UBE2E1: variants seen among roughly 807,000 people sequenced by gnomAD.
The protein encoded by UBE2E1 is ubiquitin conjugating enzyme E2 E1, also known as ubiquitin-conjugating enzyme E2 E1.
UBE2E1 carries 6 observed loss-of-function variants against 21.4 expected under a neutral mutation model. That is an observed-to-expected ratio of 0.28 (90% confidence interval 0.15 to 0.55). The LOEUF is 0.55. Among genes scored for constraint, UBE2E1 ranks in the 20% least tolerant of loss-of-function variants. The pLI, the probability that UBE2E1 is intolerant of heterozygous loss-of-function variation, is 0.93. For missense variants in UBE2E1, 142 were observed against 236.5 expected, an observed-to-expected ratio of 0.60 and a Z score of 2.62; for synonymous variants, 87 against 82.7, an observed-to-expected ratio of 1.05 and a Z score of -0.28.
chr3:23,882,545 T>C (rs1701072995), intron 3 of UBE2E1, among the ~76,000 whole-genome samples: 1 of 152,296 alleles, frequency 6.6e-6, no homozygotes, highest in South Asian at 2.1e-4. Context: ...TCCTCAACCC[T>C]TGGGCAGGCG....
intron 3 of UBE2E1, among the ~76,000 whole-genome samples, chr3:23,860,301 T>G (rs1700526358): frequency 6.6e-6 from 1 of 152,196 alleles, no homozygotes; most frequent in African/African-American, 2.4e-5. Context: ...CTCACTAAAT[T>G]AGCTGTTCGG....
rs1355278246 is a variant in UBE2E1, at chr3:23,810,512, CGCCCGGGGAAAAGCAG to C, written c.153-946_153-931del. 1 of 1,535,350 alleles carries C rather than the reference CGCCCGGGGAAAAGCAG, an allele frequency of 6.5e-7. No homozygotes were observed. The highest frequency in any genetic ancestry group is 8.7e-7 in the Non-Finnish European group (1 of 1,146,480). ...GGGCAGACCCCGGGAAGTTAGAGGACGCCCGGGGAAAAGCAGGTCCGGGGAGGTGGGCCGAGAGTCC... is the reference window on the plus strand; with the variant it reads ...GGGCAGACCCCGGGAAGTTAGAGGACGTCCGGGGAGGTGGGCCGAGAGTCC... On this transcript the variant is annotated intron_variant, in intron 2 of 5. Coordinates refer to ENST00000306627, the MANE Select transcript of UBE2E1 (RefSeq NM_003341.5). The surrounding 1 kb of genome is among the most constrained non-coding windows in gnomAD (Gnocchi z 5.8).
chr3:23,873,714 C>T (rs1218255740), intron 3 of UBE2E1, among the ~76,000 whole-genome samples: 1 of 152,184 alleles, frequency 6.6e-6, no homozygotes, highest in African/African-American at 2.4e-5. Flanking sequence ...CCACTGCACT[C>T]CAGCCTGGGC....
At chr3:23,811,561 T>C in intron 3 of UBE2E1, 51 bp downstream of exon 3, 1 of 1,556,852 alleles carries the variant, frequency 6.4e-7, no homozygotes. Flanking sequence ...CTAACCTTTG[T>C]CTTGGGTTTT....
At chr3:23,871,817 C>T (rs1293138114) in intron 3 of UBE2E1, among the ~76,000 whole-genome samples, 1 of 151,026 alleles carries the variant, frequency 6.6e-6, no homozygotes, top group South Asian at 2.1e-4. Context: ...GATGGGATGG[C>T]GGCCGGGAAG....
rs918251457 is a variant in UBE2E1 at position 23,842,999 on chromosome 3, A to G, written c.203+31489A>G. Among the ~76,000 whole-genome samples the G allele has an allele frequency of 6.6e-6, 1 of 151,862 alleles. No individual in the cohort carries two copies. The highest frequency in any genetic ancestry group is 6.6e-5 in the Admixed American group (1 of 15,252). On this transcript the variant is annotated intron_variant, in intron 3 of 5. Coordinates refer to ENST00000306627, the MANE Select transcript of UBE2E1 (RefSeq NM_003341.5). This position sits in a 1 kb window ranked among gnomAD's most constrained non-coding sequence, Gnocchi z 4.6. Reference sequence around the variant, plus strand: ...ATGTGCTATTATACTGTGGCATAGCATATATACTATATATGTTACAGTTAC... The same window carrying G: ...ATGTGCTATTATACTGTGGCATAGCGTATATACTATATATGTTACAGTTAC...
chr3:23,811,409 TC>T, intron 2 of UBE2E1, 50 bp from the exon 3 acceptor site: 1 of 1,597,172 alleles, frequency 6.3e-7, no homozygotes, highest in Non-Finnish European at 8.6e-7. Context: ...GTGGGAGGCT[TC>T]CGCGCCTTAA....
chr3:23,833,772 G>A (rs1699917199), intron 3 of UBE2E1, among the ~76,000 whole-genome samples: 1 of 152,210 alleles, frequency 6.6e-6, no homozygotes, highest in Non-Finnish European at 1.5e-5. Context: ...CAAGGCAGAA[G>A]GATTTCTTGG....
At chr3:23,837,955 T>TA (rs1700005677) in intron 3 of UBE2E1, among the ~76,000 whole-genome samples, 1 of 152,250 alleles carries the variant, frequency 6.6e-6, no homozygotes, top group Admixed American at 6.5e-5. Context: ...AACAGGTTGA[T>TA]ACTTTTAAGG....
In UBE2E1 at chr3:23,807,021, C is replaced by G. The variant is rs191488086; in HGVS notation, c.-33-216C>G. Reference sequence around the variant, plus strand: ...AGGGGCCTCTCTCCTAGCTCCAGACCGTTTTCCCACAGCGTTCCCCACTTG... The same window carrying G: ...AGGGGCCTCTCTCCTAGCTCCAGACGGTTTTCCCACAGCGTTCCCCACTTG... On this transcript the variant is annotated intron_variant, in intron 1 of 5. Transcript: ENST00000306627. 4.1e-4 allele frequency: 166 copies of G among 405,136 alleles called. No homozygotes were observed. The Middle Eastern group carries it at 5.7e-3, about 14-fold the overall frequency. The allele number at this position is 405,136 out of a possible 1,614,324, so 25.1% of individuals were successfully genotyped here. A position where few individuals can be genotyped will look rare whatever the true frequency, so the allele number is the denominator to read the frequency against.
chr3:23,842,210 T>G lies in UBE2E1; in HGVS notation c.203+30700T>G, dbSNP rs1049445486. On this transcript the variant is annotated intron_variant, in intron 3 of 5. Coordinates refer to ENST00000306627, the MANE Select transcript of UBE2E1 (RefSeq NM_003341.5). The surrounding 1 kb of genome is among the most constrained non-coding windows in gnomAD (Gnocchi z 4.6). ...CAGTAAGTGAAGGGGTGTGTGTGTG[T>G]GTGTGTGTGTGTGTGTGTGTGTGTG... 3.1e-5 allele frequency among the ~76,000 whole-genome samples: 3 copies of G among 95,338 alleles called. No individual in the cohort carries two copies. Among genetic ancestry groups the G allele is most frequent in the Admixed American group, 1.2e-4 (1 of 8,384 alleles). The allele number at this position is 95,338 out of a possible 152,430, so 62.5% of individuals were successfully genotyped here.
At position 23,853,879 on chromosome 3, in the gene UBE2E1, AT is replaced by A. The variant is rs1232374022; in HGVS notation, c.204-33687del. Among the ~76,000 whole-genome samples the A allele has an allele frequency of 1.3e-5, 2 of 152,116 alleles. No homozygotes were observed. Among genetic ancestry groups the A allele is most frequent in the African/African-American group, 2.4e-5 (1 of 41,416 alleles). ...GGGTACCAACACTCCTCATTTTATA[AT>A]AATTCGTTTTATCCACATGGTTCAA... is the stretch of plus-strand genomic sequence containing the variant. On this transcript the variant is annotated intron_variant, in intron 3 of 5. Coordinates refer to ENST00000306627, the MANE Select transcript of UBE2E1 (RefSeq NM_003341.5). This position sits in a 1 kb window ranked among gnomAD's most constrained non-coding sequence, Gnocchi z 4.1.
intron 3 of UBE2E1, among the ~76,000 whole-genome samples, chr3:23,872,754 C>T (rs1700831043): frequency 6.6e-6 from 1 of 152,212 alleles, no homozygotes; most frequent in Non-Finnish European, 1.5e-5. Context: ...CGCAGTGGCT[C>T]GTGCCTGTAA....
rs374052561 is a variant in UBE2E1 at position 23,811,444 on chromosome 3, A to T, written c.153-16A>T. On this transcript the variant is annotated splice_polypyrimidine_tract_variant and intron_variant, in intron 2 of 5. Transcript: ENST00000306627. ...AATGCTTCTTGTGTTTGTCTTTCCC[A>T]TTTCTCCCACTCCAGAATTCAGAAG... is the stretch of plus-strand genomic sequence containing the variant. 2.2e-5 allele frequency: 35 copies of T among 1,613,438 alleles called. No homozygotes were observed. Among genetic ancestry groups the T allele is most frequent in the Non-Finnish European group, 2.8e-5 (33 of 1,179,888 alleles).
chr3:23,884,590 CTTTA>C (rs1559495434), intron 3 of UBE2E1, among the ~76,000 whole-genome samples: 1 of 152,050 alleles, frequency 6.6e-6, no homozygotes, highest in Admixed American at 6.6e-5. Context: ...ACTGGTAAAC[CTTTA>C]TTTTTTTTGT....
chr3:23,856,479 AT>A (rs1700439772), intron 3 of UBE2E1, among the ~76,000 whole-genome samples: 1 of 152,214 alleles, frequency 6.6e-6, no homozygotes, highest in South Asian at 2.1e-4. Flanking sequence ...GTAGTAAGGC[AT>A]TATTTTCCTG....
chr3:23,882,932 G>T (rs1422776830), intron 3 of UBE2E1, among the ~76,000 whole-genome samples: 1 of 152,184 alleles, frequency 6.6e-6, no homozygotes, highest in Non-Finnish European at 1.5e-5. Flanking sequence ...ACACCTCCCT[G>T]CAAACAGAGG....
intron 3 of UBE2E1, among the ~76,000 whole-genome samples, chr3:23,875,488 CTA>C (rs1283474795): frequency 1.3e-5 from 2 of 152,192 alleles, no homozygotes; most frequent in Non-Finnish European, 2.9e-5. Flanking sequence ...AAAATGAACT[CTA>C]TAGCTTCCAT....
At chr3:23,874,283 T>A (rs1398050121) in intron 3 of UBE2E1, among the ~76,000 whole-genome samples, 1 of 152,232 alleles carries the variant, frequency 6.6e-6, no homozygotes, top group Non-Finnish European at 1.5e-5. Context: ...GTGACACTCT[T>A]GCTTTTGGGG....
Sources: gnomAD v4.1 joint callset for allele counts (sites outside exome capture counted in the v4.1 genomes callset) on GRCh38, gnomAD v4.1.1 for gene constraint, Gnocchi (gnomAD v3.1) non-coding constraint, MANE v1.5 for transcripts, NCBI Gene and HGNC (gene_info 2026-07-23, HGNC 2026-07-21) for gene names.